LRP1B: variants seen among roughly 807,000 people sequenced by gnomAD.
The protein encoded by LRP1B is LDL receptor related protein 1B.
A neutral mutation model predicts 556.6 loss-of-function variants in LRP1B; 217 were observed. The observed-to-expected ratio is 0.39, with a 90% CI of 0.35 to 0.44. The LOEUF is 0.44. Among genes scored for constraint, LRP1B ranks in the 20% least tolerant of loss-of-function variants. The probability of loss-of-function intolerance (pLI) is 1.00; values close to 1 mark genes in which losing one functional copy is unlikely to be tolerated. For synonymous variants in LRP1B, 2,047 were observed against 1,865.8 expected, an observed-to-expected ratio of 1.10 and a Z score of -2.50; for missense variants, 5,053 against 5,620.8, an observed-to-expected ratio of 0.90 and a Z score of 3.23.
chr2:141,369,439 G>A (rs1334715713), intron 3 of LRP1B, among the ~76,000 whole-genome samples: 3 of 151,942 alleles, frequency 2.0e-5, no homozygotes, highest in Non-Finnish European at 2.9e-5. Flanking sequence ...GAATTCAAGG[G>A]CCCCAAAAAT....
At chr2:140,522,295 A>G (rs1444931144) in intron 49 of LRP1B, among the ~76,000 whole-genome samples, 1 of 152,052 alleles carries the variant, frequency 6.6e-6, no homozygotes, top group Admixed American at 6.6e-5. Context: ...AAACCACATA[A>G]TATGGAAACT....
chr2:140,434,190 C>T (rs923871237), intron 66 of LRP1B, among the ~76,000 whole-genome samples: 4 of 152,086 alleles, frequency 2.6e-5, no homozygotes, highest in African/African-American at 9.7e-5. Context: ...CTGCCTCAGC[C>T]TCCCGAGTAG....
chr2:141,076,509 T>C (rs1221984507), intron 7 of LRP1B, among the ~76,000 whole-genome samples: 2 of 152,304 alleles, frequency 1.3e-5, no homozygotes, highest in East Asian at 3.9e-4. Context: ...ATAATCACTG[T>C]GGTGGGAAAT....
chr2:140,788,947 AG>A (rs1690009507), intron 32 of LRP1B, among the ~76,000 whole-genome samples: 2 of 152,334 alleles, frequency 1.3e-5, no homozygotes, highest in Admixed American at 1.3e-4. Context: ...CACAACAAAA[AG>A]GTGCCCATCT....
chr2:141,458,631 G>A (rs1447730986), intron 3 of LRP1B, among the ~76,000 whole-genome samples: 5 of 148,794 alleles, frequency 3.4e-5, no homozygotes, highest in African/African-American at 9.7e-5. Context: ...ATAGCATTTC[G>A]GATCCCTATC....
chr2:141,727,373 C>A (rs1693078429), intron 2 of LRP1B, among the ~76,000 whole-genome samples: 1 of 152,120 alleles, frequency 6.6e-6, no homozygotes, highest in South Asian at 2.1e-4. Flanking sequence ...GGAATGCTTT[C>A]CTTACATCAG....
chr2:141,645,754 G>A (rs1216181825), intron 2 of LRP1B, among the ~76,000 whole-genome samples: 2 of 151,732 alleles, frequency 1.3e-5, no homozygotes, highest in African/African-American at 4.8e-5. Context: ...GTGGTTTCAA[G>A]GACACCACTC....
At chr2:141,396,804 A>G (rs1183933224) in intron 3 of LRP1B, among the ~76,000 whole-genome samples, 1 of 152,120 alleles carries the variant, frequency 6.6e-6, no homozygotes, top group Admixed American at 6.6e-5. Context: ...AATGTAGAAG[A>G]TACACAGACC....
At chr2:141,674,101 T>C (rs1041331292) in intron 2 of LRP1B, among the ~76,000 whole-genome samples, 1 of 152,066 alleles carries the variant, frequency 6.6e-6, no homozygotes, top group Admixed American at 6.6e-5. Context: ...TGAGTCTCCA[T>C]AGCACACAAT....
intron 2 of LRP1B, among the ~76,000 whole-genome samples, chr2:141,629,581 T>C (rs779644816): frequency 6.6e-6 from 1 of 152,168 alleles, no homozygotes; most frequent in Non-Finnish European, 1.5e-5. Flanking sequence ...ATGAGCAGTG[T>C]TGCTTTTTTA....
chr2:141,735,395 G>A (rs546245595), intron 2 of LRP1B, among the ~76,000 whole-genome samples: 2 of 151,700 alleles, frequency 1.3e-5, no homozygotes, highest in African/African-American at 4.8e-5. Flanking sequence ...GAAAGCCCGG[G>A]TAAGAGATTA....
chr2:141,232,243 T>C (rs1347132924), intron 5 of LRP1B, among the ~76,000 whole-genome samples: 1 of 152,190 alleles, frequency 6.6e-6, no homozygotes, highest in Non-Finnish European at 1.5e-5. Flanking sequence ...ACCTGTTGGA[T>C]CATAGATTTC....
intron 84 of LRP1B, among the ~76,000 whole-genome samples, chr2:140,276,930 A>G (rs1431941164): frequency 6.6e-6 from 1 of 151,944 alleles, no homozygotes; most frequent in Non-Finnish European, 1.5e-5. Flanking sequence ...AGAAAATGTA[A>G]GAAATGATGA....
At chr2:140,743,527 T>C (rs1688208469) in intron 35 of LRP1B, among the ~76,000 whole-genome samples, 1 of 152,178 alleles carries the variant, frequency 6.6e-6, no homozygotes. Flanking sequence ...TTTCCCCATC[T>C]GTAAAACAGG....
intron 1 of LRP1B, among the ~76,000 whole-genome samples, chr2:141,975,593 A>C (rs1701864221): frequency 6.6e-6 from 1 of 152,110 alleles, no homozygotes; most frequent in Admixed American, 6.6e-5. Context: ...GTAATGTGTT[A>C]ACATAGTTAG....
chr2:140,668,780 A>C (rs1348601753), intron 41 of LRP1B, among the ~76,000 whole-genome samples: 1 of 152,218 alleles, frequency 6.6e-6, no homozygotes, highest in African/African-American at 2.4e-5. Flanking sequence ...AAACTAGGGC[A>C]AATGGTGAAT....
chr2:142,086,843 G>C (rs528983768), intron 1 of LRP1B, among the ~76,000 whole-genome samples: 192 of 152,264 alleles, frequency 1.3e-3, no homozygotes, highest in Middle Eastern at 3.4e-3. Flanking sequence ...CTGTATCAGA[G>C]TTAGGTAAGA....
chr2:141,421,579 A>C (rs1680146835), intron 3 of LRP1B, among the ~76,000 whole-genome samples: 1 of 152,080 alleles, frequency 6.6e-6, no homozygotes, highest in Admixed American at 6.5e-5. Flanking sequence ...AATAAATTTT[A>C]GTTCAATTAA....
rs1681782807 is a variant in LRP1B, at chr2:141,459,675, T to C, written c.343+20721A>G. Among the ~76,000 whole-genome samples, 5 of 152,126 alleles carry C rather than the reference T, an allele frequency of 3.3e-5. No individual in the cohort carries two copies. The South Asian group carries it at 1.0e-3, about 32-fold the overall frequency. Reference sequence around the variant, plus strand: ...CTAAGTCTCACGAGATCTGATGGTATAAAGGAAAGTTTTCCTGCACAAGTT... The same window carrying C: ...CTAAGTCTCACGAGATCTGATGGTACAAAGGAAAGTTTTCCTGCACAAGTT... On this transcript the variant is annotated intron_variant, in intron 3 of 90. Coordinates refer to ENST00000389484, the MANE Select transcript of LRP1B (RefSeq NM_018557.3).
Sources: allele counts gnomAD v4.1 joint callset (sites outside exome capture counted in the v4.1 genomes callset), GRCh38; gene constraint gnomAD v4.1.1; transcripts MANE v1.5; gene names NCBI Gene and HGNC (gene_info 2026-07-23, HGNC 2026-07-21).